The following FAM168A variants were observed in gnomAD, a reference collection of about 807,000 sequenced individuals.
The protein encoded by FAM168A is family with sequence similarity 168 member A, also known as protein FAM168A.
FAM168A carries 3 observed loss-of-function variants against 28.5 expected under a neutral mutation model. That is an observed-to-expected ratio of 0.11 (90% CI 0.05 to 0.27). The LOEUF is 0.27. Ranked by LOEUF, FAM168A falls within the 10% of genes least tolerant of loss-of-function variation. The pLI is 1.00. For missense variants in FAM168A, 222 were observed against 311.5 expected (o/e 0.71, Z 2.16); for synonymous variants, 122 against 124.2 (o/e 0.98, Z 0.12).
intron 1 of FAM168A, among the ~76,000 whole-genome samples, chr11:73,511,999 C>A (rs548519761): frequency 6.6e-6 from 1 of 152,076 alleles, no homozygotes; most frequent in Non-Finnish European, 1.5e-5. Flanking sequence ...CATGAGATTG[C>A]GAACAGCTTG....
chr11:73,448,043 T>TTTTG (rs112310065), intron 2 of FAM168A, among the ~76,000 whole-genome samples: 1,798 of 152,120 alleles, frequency 0.012, 39 homozygotes, highest in African/African-American at 0.04. Flanking sequence ...TCAAGTTACT[T>TTTTG]TTTGTTTGTT....
chr11:73,492,797 A>C (rs1854778709), intron 1 of FAM168A, among the ~76,000 whole-genome samples: 1 of 152,230 alleles, frequency 6.6e-6, no homozygotes, highest in African/African-American at 2.4e-5. Flanking sequence ...AAATACTCAG[A>C]GTTCAAAATC....
At chr11:73,521,389 A>G (rs1352674892) in intron 1 of FAM168A, among the ~76,000 whole-genome samples, 1 of 151,864 alleles carries the variant, frequency 6.6e-6, no homozygotes, top group African/African-American at 2.4e-5. Flanking sequence ...CCACCCTCTC[A>G]TCATGGGCAC....
chr11:73,421,106 T>C (rs1866785617), intron 3 of FAM168A, among the ~76,000 whole-genome samples: 1 of 151,028 alleles, frequency 6.6e-6, no homozygotes, highest in Non-Finnish European at 1.5e-5. Context: ...TGCTATATAG[T>C]ATATTAGCAG....
intron 1 of FAM168A, among the ~76,000 whole-genome samples, chr11:73,511,755 C>T (rs978870178): frequency 2.6e-5 from 4 of 152,094 alleles, no homozygotes; most frequent in Admixed American, 1.3e-4. Flanking sequence ...TTAACATCTC[C>T]GAGTCTTAGT....
chr11:73,502,265 T>C (rs1157891792), intron 1 of FAM168A, among the ~76,000 whole-genome samples: 2 of 150,590 alleles, frequency 1.3e-5, no homozygotes, highest in South Asian at 2.1e-4. Context: ...GCTAGACTAA[T>C]GAAGAGAGAA....
At chr11:73,487,141 C>T (rs914808468) in intron 1 of FAM168A, among the ~76,000 whole-genome samples, 2 of 152,138 alleles carry the variant, frequency 1.3e-5, no homozygotes, top group Non-Finnish European at 2.9e-5. Context: ...ATCTTCCAGA[C>T]TTTAATCCTA....
intron 1 of FAM168A, among the ~76,000 whole-genome samples, chr11:73,556,932 G>A (rs1271501824): frequency 6.6e-6 from 1 of 151,882 alleles, no homozygotes; most frequent in Non-Finnish European, 1.5e-5. Flanking sequence ...GGGTGGCTGA[G>A]GCACAAGAAT....
intron 1 of FAM168A, among the ~76,000 whole-genome samples, chr11:73,471,513 C>G (rs1470555679): frequency 6.6e-6 from 1 of 152,112 alleles, no homozygotes; most frequent in African/African-American, 2.4e-5. Flanking sequence ...TTCATTACCC[C>G]AAAAAGTTGT....
chr11:73,537,885 T>TAC (rs942144336), intron 1 of FAM168A, among the ~76,000 whole-genome samples: 1 of 152,206 alleles, frequency 6.6e-6, no homozygotes. Flanking sequence ...CTAACACATG[T>TAC]ACACACACAC....
chr11:73,545,304 A>C (rs1395249382), intron 1 of FAM168A, among the ~76,000 whole-genome samples: 1 of 151,202 alleles, frequency 6.6e-6, no homozygotes, highest in Non-Finnish European at 1.5e-5. Flanking sequence ...GGAATTACAG[A>C]CGTGAGCCAC....
At chr11:73,577,185 T>C (rs892789842) in intron 1 of FAM168A, among the ~76,000 whole-genome samples, 2 of 152,214 alleles carry the variant, frequency 1.3e-5, no homozygotes, top group Non-Finnish European at 2.9e-5. Context: ...GCATCTGCTA[T>C]ATGCCAACTA....
chr11:73,423,721 A>G (rs911035589), intron 3 of FAM168A, among the ~76,000 whole-genome samples: 1 of 152,108 alleles, frequency 6.6e-6, no homozygotes, highest in Non-Finnish European at 1.5e-5. Flanking sequence ...CTATAAACTG[A>G]CTATCCCAAT....
chr11:73,594,569 C>T (rs1485599472), intron 1 of FAM168A, among the ~76,000 whole-genome samples: 1 of 152,130 alleles, frequency 6.6e-6, no homozygotes, highest in East Asian at 1.9e-4. Flanking sequence ...GACAGAGTTT[C>T]GCTCTTGTTG....
At chr11:73,578,699 C>T (rs749040906) in intron 1 of FAM168A, among the ~76,000 whole-genome samples, 20 of 152,216 alleles carry the variant, frequency 1.3e-4, no homozygotes, top group Non-Finnish European at 2.9e-4. Flanking sequence ...CACTCTACAG[C>T]ATTTCAGAAT....
chr11:73,441,700 T>C (rs1029295981), intron 2 of FAM168A, among the ~76,000 whole-genome samples: 2 of 152,250 alleles, frequency 1.3e-5, no homozygotes, highest in African/African-American at 2.4e-5. Flanking sequence ...CTTATAGGTC[T>C]AGTCAGATTT....
chr11:73,436,527 A>C (rs1867089422), intron 2 of FAM168A, among the ~76,000 whole-genome samples: 3 of 152,098 alleles, frequency 2.0e-5, no homozygotes, highest in Admixed American at 6.5e-5. Flanking sequence ...ATGACCAAAA[A>C]AAAAATCTTT....
At chr11:73,509,861 C>T (rs189288476) in intron 1 of FAM168A, among the ~76,000 whole-genome samples, 5 of 152,266 alleles carry the variant, frequency 3.3e-5, no homozygotes, top group Admixed American at 3.3e-4. Context: ...GGCCATCCTT[C>T]AGGCCTAGTT....
At chr11:73,450,838 G>A (rs920125032) in intron 2 of FAM168A, among the ~76,000 whole-genome samples, 2 of 152,152 alleles carry the variant, frequency 1.3e-5, no homozygotes, top group African/African-American at 4.8e-5. Context: ...AATTCTCCTA[G>A]AAGTTCCAGA....
Sources: allele counts gnomAD v4.1 joint callset (sites outside exome capture counted in the v4.1 genomes callset), GRCh38; gene constraint gnomAD v4.1.1; transcripts MANE v1.5; gene names NCBI Gene and HGNC (gene_info 2026-07-23, HGNC 2026-07-21).